The following RRAGD variants were observed in gnomAD, a reference collection of about 807,000 sequenced individuals.
RRAGD encodes ras-related GTP-binding protein D.
RRAGD carries 12 observed loss-of-function variants against 35.5 expected under a neutral mutation model. The observed-to-expected ratio is 0.34, with a 90% CI of 0.22 to 0.55. The LOEUF is 0.55. RRAGD is among the 20% of genes least tolerant of loss of function. The pLI, the probability that RRAGD is intolerant of heterozygous loss-of-function variation, is 0.91. For missense variants in RRAGD, 324 were observed against 490.1 expected, an observed-to-expected ratio of 0.66 and a Z score of 3.20; for synonymous variants, 155 against 178.9, an observed-to-expected ratio of 0.87 and a Z score of 1.07.
At chr6:89,398,477 G>T (rs1267618126) in intron 1 of RRAGD, among the ~76,000 whole-genome samples, 1 of 152,242 alleles carries the variant, frequency 6.6e-6, no homozygotes, top group Non-Finnish European at 1.5e-5. Flanking sequence ...TGGGCCAGGG[G>T]AGAGACCCAG....
At chr6:89,383,643 C>T (rs370140859) in intron 2 of RRAGD, among the ~76,000 whole-genome samples, 4 of 152,114 alleles carry the variant, frequency 2.6e-5, no homozygotes. Context: ...GGCTGGGGAG[C>T]GGGGCTGGGG....
In RRAGD at chr6:89,365,269, T is replaced by G. The variant is rs1768719524; in HGVS notation, c.*2787A>C. 6.6e-6 allele frequency: 1 copy of G among 152,206 alleles called. No individual in the cohort carries two copies. The highest frequency in any genetic ancestry group is 1.5e-5 in the Non-Finnish European group (1 of 68,042). The allele number at this position is 152,206 out of a possible 1,614,324, so 9.4% of individuals were successfully genotyped here. A position where few individuals can be genotyped will look rare whatever the true frequency, so the allele number is the denominator to read the frequency against. On this transcript the variant is annotated 3_prime_UTR_variant, in exon 7 of 7. Transcript: ENST00000369415. ...AAAATAATTCACAGTCTCACCTCTATGTAAAAATTCTAATTGACTCAACAG... is the reference window on the plus strand; with the variant it reads ...AAAATAATTCACAGTCTCACCTCTAGGTAAAAATTCTAATTGACTCAACAG...
intron 2 of RRAGD, among the ~76,000 whole-genome samples, chr6:89,385,971 G>A (rs947652730): frequency 1.2e-4 from 18 of 152,278 alleles, no homozygotes; most frequent in Non-Finnish European, 2.1e-4. Flanking sequence ...AATAGTCTTT[G>A]TAACACTTCA....
chr6:89,400,333 C>T (rs1769434119), intron 1 of RRAGD, among the ~76,000 whole-genome samples: 1 of 152,040 alleles, frequency 6.6e-6, no homozygotes, highest in Non-Finnish European at 1.5e-5. Context: ...TGAAATTTCC[C>T]TGGGTTTATT....
At chr6:89,389,964 A>G (rs188601801) in intron 1 of RRAGD, among the ~76,000 whole-genome samples, 1 of 152,338 alleles carries the variant, frequency 6.6e-6, no homozygotes, top group Admixed American at 6.5e-5. Context: ...TGCTGGGCCA[A>G]CTGGATATCC....
At chr6:89,381,949 C>A (rs537671868) in intron 2 of RRAGD, among the ~76,000 whole-genome samples, 2 of 151,846 alleles carry the variant, frequency 1.3e-5, no homozygotes, top group Non-Finnish European at 2.9e-5. Context: ...CAGACCCTCA[C>A]CAACAATTGG....
chr6:89,399,726 C>T (rs1769417072), intron 1 of RRAGD, among the ~76,000 whole-genome samples: 1 of 151,342 alleles, frequency 6.6e-6, no homozygotes, highest in Non-Finnish European at 1.5e-5. Context: ...CTGCAGTGAG[C>T]TGTGATTATG....
Position 89,366,668 on chromosome 6 carries a change from A to G in RRAGD, c.*1388T>C, listed in dbSNP as rs1241352980. On this transcript the variant is annotated 3_prime_UTR_variant, in exon 7 of 7. Transcript: ENST00000369415. ...TTCTAATGCCCCACAAGCATGCCTT[A>G]GGGTGCTAACCCTTGAGATGCACGT... 6.6e-6 allele frequency: 1 copy of G among 152,030 alleles called. No individual in the cohort carries two copies. Among genetic ancestry groups the G allele is most frequent in the African/African-American group, 2.4e-5 (1 of 41,366 alleles). The allele number at this position is 152,030 out of a possible 1,614,324, so 9.4% of individuals were successfully genotyped here.
chr6:89,370,120 G>C (rs1265805288), intron 6 of RRAGD, among the ~76,000 whole-genome samples: 1 of 152,188 alleles, frequency 6.6e-6, no homozygotes, highest in Non-Finnish European at 1.5e-5. Context: ...GATGTTGAGA[G>C]AAAGTCATTT....
At chr6:89,392,118 C>CA (rs1769246488) in intron 1 of RRAGD, among the ~76,000 whole-genome samples, 1 of 151,658 alleles carries the variant, frequency 6.6e-6, no homozygotes, top group Non-Finnish European at 1.5e-5. Context: ...AGTAAATACA[C>CA]AAAAATAAAA....
At chr6:89,392,541 TTTC>T (rs1769257708) in intron 1 of RRAGD, among the ~76,000 whole-genome samples, 1 of 151,850 alleles carries the variant, frequency 6.6e-6, no homozygotes, top group African/African-American at 2.4e-5. Context: ...TTTTCCTAAA[TTTC>T]TTATTTCCTT....
chr6:89,373,506 T>C (rs1212476869), intron 5 of RRAGD, among the ~76,000 whole-genome samples: 1 of 151,538 alleles, frequency 6.6e-6, no homozygotes, highest in African/African-American at 2.4e-5. Flanking sequence ...TAGTCCCAGC[T>C]ACTCGGGAGG....
chr6:89,412,230 G>A lies in RRAGD; in HGVS notation c.-237C>T. ...CCGCCCGCCGGCGGAGGAGTCAGCC[G>A]GAGCGCGGCAGTTCCTCCCGGAGGA... is the stretch of plus-strand genomic sequence containing the variant. On this transcript the variant is annotated 5_prime_UTR_variant, in exon 1 of 7. Coordinates refer to ENST00000369415, the MANE Select transcript of RRAGD (RefSeq NM_021244.5). The surrounding 1 kb of genome is among the most constrained non-coding windows in gnomAD (Gnocchi z 4.2). 3.6e-6 allele frequency: 1 copy of A among 280,428 alleles called. No homozygotes were observed. Among genetic ancestry groups the A allele is most frequent in the Admixed American group, 5.3e-5 (1 of 18,824 alleles). The allele number at this position is 280,428 out of a possible 1,614,324, so 17.4% of individuals were successfully genotyped here.
rs1344609997 is a variant in RRAGD, at chr6:89,372,594, G to T, written c.903-9C>A. The T allele has an allele frequency of 1.3e-6, 2 of 1,504,954 alleles. No individual in the cohort carries two copies. The highest frequency in any genetic ancestry group is 1.8e-6 in the Non-Finnish European group (2 of 1,130,258). 93.2% of individuals were successfully genotyped at this position (1,504,954 alleles called of 1,614,324 possible). Reference sequence around the variant, plus strand: ...CTCCATCTTCTTTGAGACTAAATGGGGACAGAAACCAAAACATGTGACCAT... The same window carrying T: ...CTCCATCTTCTTTGAGACTAAATGGTGACAGAAACCAAAACATGTGACCAT... On this transcript the variant is annotated splice_polypyrimidine_tract_variant and intron_variant, in intron 5 of 6. Transcript: ENST00000369415.
chr6:89,388,709 T>C (rs1471902161), intron 1 of RRAGD, among the ~76,000 whole-genome samples: 1 of 152,178 alleles, frequency 6.6e-6, no homozygotes, highest in Non-Finnish European at 1.5e-5. Context: ...TTCAAGCTGG[T>C]TACATTTATT....
chr6:89,391,949 C>T (rs533795086), intron 1 of RRAGD, among the ~76,000 whole-genome samples: 13 of 111,724 alleles, frequency 1.2e-4, no homozygotes, highest in Admixed American at 3.5e-4. Context: ...AAAGTGAGAC[C>T]CTATCTCAAA....
In RRAGD at chr6:89,366,017, G is replaced by C. The variant is rs1473835067; in HGVS notation, c.*2039C>G. On this transcript the variant is annotated 3_prime_UTR_variant, in exon 7 of 7. Transcript: ENST00000369415. The stretch of plus-strand genomic sequence containing the variant: ...TAGCTCTGGAAATCAGGGAGCCCTG[G>C]GCTCCTAACCATCCAGGTTTCGGAG... The C allele has an allele frequency of 6.6e-6, 1 of 152,218 alleles. No homozygotes were observed. The highest frequency in any genetic ancestry group is 1.9e-4 in the East Asian group (1 of 5,194). The allele number at this position is 152,218 out of a possible 1,614,324, so 9.4% of individuals were successfully genotyped here.
At chr6:89,405,036 A>C (rs1769549821) in intron 1 of RRAGD, among the ~76,000 whole-genome samples, 1 of 152,188 alleles carries the variant, frequency 6.6e-6, no homozygotes, top group South Asian at 2.1e-4. Flanking sequence ...CAGGAAAATA[A>C]ACTATTTAAT....
chr6:89,384,646 C>G (rs1413521179), intron 2 of RRAGD, among the ~76,000 whole-genome samples: 3 of 152,056 alleles, frequency 2.0e-5, no homozygotes, highest in African/African-American at 7.2e-5. Context: ...GAAACCCCAT[C>G]TCTACTAAAA....
Sources: allele counts gnomAD v4.1 joint callset (sites outside exome capture counted in the v4.1 genomes callset), GRCh38; gene constraint gnomAD v4.1.1; non-coding constraint Gnocchi (gnomAD v3.1); transcripts MANE v1.5; gene names NCBI Gene and HGNC (gene_info 2026-07-23, HGNC 2026-07-21).